Variants in COL24A1 observed in about 807,000 individuals in gnomAD.
The protein encoded by COL24A1 is collagen type XXIV alpha 1 chain, also known as collagen alpha-1(XXIV) chain.
In COL24A1, 224 loss-of-function variants were observed where a neutral mutation model predicts 253.9. The observed-to-expected ratio is 0.88, with a 90% CI of 0.79 to 0.99. The LOEUF (loss-of-function observed/expected upper bound fraction) is 0.99, where lower values mean the gene tolerates loss of function less well. Ranked by LOEUF, COL24A1 falls within the 50% of genes least tolerant of loss-of-function variation. The pLI is 0.00. For missense variants in COL24A1, 2,131 were observed against 2,068.5 expected, an observed-to-expected ratio of 1.03 and a Z score of -0.59; for synonymous variants, 685 against 673.7, an observed-to-expected ratio of 1.02 and a Z score of -0.26.
chr1:85,896,979 T>C (rs1288038721), intron 28 of COL24A1, among the ~76,000 whole-genome samples: 1 of 152,178 alleles, frequency 6.6e-6, no homozygotes, highest in Non-Finnish European at 1.5e-5. Context: ...AGGTGTGTTA[T>C]TTGGGTATTT....
At chr1:86,068,604 C>T (rs913036989) in intron 7 of COL24A1, among the ~76,000 whole-genome samples, 2 of 152,258 alleles carry the variant, frequency 1.3e-5, no homozygotes, top group Admixed American at 6.5e-5. Flanking sequence ...AGCCAGTGAA[C>T]TAGGGTGGAA....
intron 24 of COL24A1, among the ~76,000 whole-genome samples, chr1:85,945,019 T>TTTTTTTTTTTTTTTTTTTTG (rs1553237048): frequency 4.1e-5 from 3 of 73,360 alleles, no homozygotes; most frequent in Non-Finnish European, 8.0e-5. Flanking sequence ...TTTTTTTTTT[T>TTTTTTTTTTTTTTTTTTTTG]TTTTTTTTTT....
intron 20 of COL24A1, among the ~76,000 whole-genome samples, chr1:85,986,690 G>A (rs1693750398): frequency 6.6e-6 from 1 of 151,820 alleles, no homozygotes; most frequent in South Asian, 2.1e-4. Flanking sequence ...ACGAGATAAT[G>A]TCTATGAAGC....
At chr1:85,868,888 T>A (rs897827220) in intron 35 of COL24A1, 53 bp from the exon 36 acceptor site, 15 of 1,293,482 alleles carry the variant, frequency 1.2e-5, no homozygotes, top group Non-Finnish European at 1.6e-5. Flanking sequence ...ATATCATTTA[T>A]CTTATTTTAT....
intron 18 of COL24A1, among the ~76,000 whole-genome samples, chr1:86,020,640 G>A (rs1697446080): frequency 6.6e-6 from 1 of 152,080 alleles, no homozygotes; most frequent in South Asian, 2.1e-4. Flanking sequence ...TTATTTATTA[G>A]TTAATAGTGC....
intron 33 of COL24A1, among the ~76,000 whole-genome samples, chr1:85,876,000 G>A (rs1167194019): frequency 6.6e-6 from 1 of 151,956 alleles, no homozygotes; most frequent in Non-Finnish European, 1.5e-5. Flanking sequence ...AGTTTTATTG[G>A]GGACACGGGT....
At chr1:85,797,219 AAAAAAAAAAAAG>A (rs1558161151) in intron 47 of COL24A1, among the ~76,000 whole-genome samples, 1 of 151,532 alleles carries the variant, frequency 6.6e-6, no homozygotes. Context: ...AAAAAAAAAA[AAAAAAAAAAAAG>A]AACATTCAAT....
At chr1:85,757,986 A>T (rs1666440683) in intron 55 of COL24A1, among the ~76,000 whole-genome samples, 1 of 152,140 alleles carries the variant, frequency 6.6e-6, no homozygotes, top group Non-Finnish European at 1.5e-5. Flanking sequence ...GAGAATAAAG[A>T]TTGATTATAT....
intron 7 of COL24A1, among the ~76,000 whole-genome samples, chr1:86,086,536 A>G (rs1048367667): frequency 6.6e-6 from 1 of 152,142 alleles, no homozygotes; most frequent in African/African-American, 2.4e-5. Flanking sequence ...ACCAAAGCCA[A>G]TATATCCCAC....
chr1:85,971,613 C>A (rs1282205226), intron 20 of COL24A1, among the ~76,000 whole-genome samples: 1 of 152,136 alleles, frequency 6.6e-6, no homozygotes, highest in African/African-American at 2.4e-5. Flanking sequence ...TTCAAATAAT[C>A]TGCTCAGTAT....
At chr1:86,135,484 A>G (rs1315355134) in intron 2 of COL24A1, among the ~76,000 whole-genome samples, 1 of 152,020 alleles carries the variant, frequency 6.6e-6, no homozygotes, top group Non-Finnish European at 1.5e-5. Context: ...TGTCTTCTAT[A>G]TGTCTCATAT....
At chr1:85,867,741 G>T (rs1239958209) in intron 37 of COL24A1, among the ~76,000 whole-genome samples, 1 of 151,950 alleles carries the variant, frequency 6.6e-6, no homozygotes. Flanking sequence ...CTCTCTCTCA[G>T]TCTGTCTCTC....
At chr1:85,847,626 C>A (rs752272329) in intron 39 of COL24A1, 39 bp downstream of exon 39, 1 of 1,459,810 alleles carries the variant, frequency 6.9e-7, no homozygotes, top group Non-Finnish European at 9.6e-7. Flanking sequence ...TCTTTCCCAT[C>A]CACAGTGACT....
intron 56 of COL24A1, 97 bp downstream of exon 56, chr1:85,745,344 C>CT: frequency 3.0e-6 from 2 of 664,740 alleles, no homozygotes; most frequent in Non-Finnish European, 4.9e-6. Context: ...TAAATACAAT[C>CT]TTTGAGATAA....
intron 37 of COL24A1, among the ~76,000 whole-genome samples, chr1:85,867,605 GA>G (rs1178078204): frequency 6.6e-6 from 1 of 152,148 alleles, no homozygotes; most frequent in Non-Finnish European, 1.5e-5. Flanking sequence ...ACTTTGAGGA[GA>G]ACCCACGTTT....
At chr1:85,777,375 A>C (rs1231772099) in intron 52 of COL24A1, among the ~76,000 whole-genome samples, 1 of 152,164 alleles carries the variant, frequency 6.6e-6, no homozygotes, top group Admixed American at 6.6e-5. Flanking sequence ...TGACAAATAC[A>C]TTTATGTATG....
At chr1:86,036,164 C>A (rs912647386) in intron 12 of COL24A1, among the ~76,000 whole-genome samples, 12 of 151,586 alleles carry the variant, frequency 7.9e-5, no homozygotes, top group Non-Finnish European at 1.6e-4. Flanking sequence ...TTATTATTAT[C>A]GTTGTCGAGA....
chr1:85,960,258 A>T (rs1350502452), intron 24 of COL24A1, among the ~76,000 whole-genome samples: 1 of 152,216 alleles, frequency 6.6e-6, no homozygotes, highest in African/African-American at 2.4e-5. Context: ...ATTTTGTGAC[A>T]ATTAATTTAG....
chr1:86,120,295 T>C (rs1209328113), intron 3 of COL24A1, among the ~76,000 whole-genome samples: 1 of 152,016 alleles, frequency 6.6e-6, no homozygotes, highest in Non-Finnish European at 1.5e-5. Context: ...ACAAATGGGA[T>C]CTAATTAAAC....
Sources: gnomAD v4.1 joint callset for allele counts (sites outside exome capture counted in the v4.1 genomes callset) on GRCh38, gnomAD v4.1.1 for gene constraint, MANE v1.5 for transcripts, NCBI Gene and HGNC (gene_info 2026-07-23, HGNC 2026-07-21) for gene names.